THOC2: variants seen among roughly 807,000 people sequenced by gnomAD.
THOC2 encodes the protein THO complex subunit 2.
In THOC2, 10 loss-of-function variants were observed where a neutral mutation model predicts 128.4. The ratio of observed to expected loss-of-function variants is 0.08; its 90% confidence interval spans 0.05 to 0.13. THOC2 has a LOEUF of 0.13. Ranked by LOEUF, THOC2 falls within the 10% of genes least tolerant of loss-of-function variation. The probability of loss-of-function intolerance (pLI) is 1.00; values close to 1 mark genes in which losing one functional copy is unlikely to be tolerated. For missense variants in THOC2, 535 were observed against 1,155.7 expected (o/e 0.46, Z 7.79); for synonymous variants, 393 against 396.9 (o/e 0.99, Z 0.12).
At chrX:123,624,835 T>C (rs1447271681) in intron 25 of THOC2, among the ~76,000 whole-genome samples, 166 bp from the exon 26 acceptor site, 1 of 111,311 alleles carries the variant, frequency 9.0e-6, no homozygotes, top group Non-Finnish European at 1.9e-5. Context: ...ATTTTGGCTT[T>C]TGTGGGGAAA....
chrX:123,659,100 A>T, intron 12 of THOC2, among the ~76,000 whole-genome samples: 1 of 112,356 alleles, frequency 8.9e-6, no homozygotes, highest in East Asian at 2.8e-4. Flanking sequence ...TACATGAAAC[A>T]ATTCTAGAAC....
chrX:123,646,993 T>C (rs2048151092), intron 12 of THOC2, among the ~76,000 whole-genome samples: 1 of 112,091 alleles, frequency 8.9e-6, no homozygotes, highest in Non-Finnish European at 1.9e-5. Context: ...ACACAGTTTT[T>C]TTCCCATAGA....
intron 15 of THOC2, among the ~76,000 whole-genome samples, chrX:123,642,924 T>C (rs182887570): frequency 4.1e-4 from 46 of 111,143 alleles, no homozygotes; most frequent in Non-Finnish European, 7.0e-4. Flanking sequence ...GAAACTTAAA[T>C]CATGTAAACA....
At chrX:123,624,414 G>T in intron 26 of THOC2, 127 bp downstream of exon 26, 1 of 793,940 alleles carries the variant, frequency 1.3e-6, no homozygotes, top group Non-Finnish European at 1.8e-6. Flanking sequence ...AATTAATTGT[G>T]CTTATAAACA....
At chrX:123,610,223 G>C (rs1186786279) in intron 38 of THOC2, 1 of 108,418 alleles carries the variant, frequency 9.2e-6, no homozygotes, top group African/African-American at 3.4e-5. Flanking sequence ...TATCCACTAT[G>C]ATGGAAACAC....
At chrX:123,717,530 T>C (rs1234362189) in intron 1 of THOC2, among the ~76,000 whole-genome samples, 1 of 110,911 alleles carries the variant, frequency 9.0e-6, no homozygotes, top group Non-Finnish European at 1.9e-5. Context: ...AAACTGAAGA[T>C]GACAAATAAA....
chrX:123,678,267 C>CTTT (rs760673764), intron 8 of THOC2, among the ~76,000 whole-genome samples: 1 of 98,288 alleles, frequency 1.0e-5, no homozygotes, highest in South Asian at 4.6e-4. Flanking sequence ...TGTTTTCAAA[C>CTTT]TTTTTTTTTT....
In THOC2 at chrX:123,661,753, G is replaced by A. The variant is rs184000758; in HGVS notation, c.1386+3889C>T. Among the ~76,000 whole-genome samples the A allele has an allele frequency of 8.2e-4, 92 of 111,616 alleles. 1 individual carries two copies. The highest frequency in any genetic ancestry group is 2.9e-3 in the African/African-American group (88 of 30,808). On this transcript the variant is annotated intron_variant, in intron 12 of 38. Coordinates refer to ENST00000245838, the MANE Select transcript of THOC2 (RefSeq NM_001081550.2). ...ATTAACTACTTAACAGATTTCTTTA[G>A]AGTACCTTTACATAATGTAAATTTG...
intron 8 of THOC2, among the ~76,000 whole-genome samples, chrX:123,672,637 C>T (rs1323268841): frequency 8.9e-6 from 1 of 111,900 alleles, no homozygotes; most frequent in Non-Finnish European, 1.9e-5. Flanking sequence ...ATAAATATTA[C>T]AGATGAATAA....
chrX:123,621,578 A>G lies in THOC2; in HGVS notation c.3795T>C (p.Ala1265=). The G allele has an allele frequency of 9.0e-7, 1 of 1,115,716 alleles. No individual in the cohort carries two copies. Among genetic ancestry groups the G allele is most frequent in the Non-Finnish European group, 1.2e-6 (1 of 836,661 alleles). 91.9% of individuals were successfully genotyped at this position (1,115,716 alleles called of 1,213,427 possible). ...NGNSGSNSNK[A]VKENDKEKGK... is the part of the protein sequence containing the mutation. The stretch of plus-strand genomic sequence containing the variant: ...CTTTTTCTTTGTCATTTTCTTTAAC[A>G]GCTTTGTTGCTTAAGAATAAAAACA... Residue 1265 remains alanine (A), a synonymous_variant, in exon 31 of 39, where the codon GCT becomes GCC. Coordinates refer to ENST00000245838, the MANE Select transcript of THOC2 (RefSeq NM_001081550.2).
intron 26 of THOC2, 24 bp from the exon 27 acceptor site, chrX:123,624,215 T>C: frequency 8.7e-7 from 1 of 1,150,811 alleles, no homozygotes. Context: ...GTTTGTCACT[T>C]TTAAAGAAAA....
At chrX:123,631,338 T>C (rs765417843) in intron 22 of THOC2, among the ~76,000 whole-genome samples, 1 of 112,209 alleles carries the variant, frequency 8.9e-6, no homozygotes, top group African/African-American at 3.2e-5. Flanking sequence ...CTTATTGTCT[T>C]TTTCCCTTCA....
In THOC2 at chrX:123,616,803, T is replaced by A. The variant is rs186187238; in HGVS notation, c.4311+2598A>T. Among the ~76,000 whole-genome samples, 29 of 110,867 alleles carry A rather than the reference T, an allele frequency of 2.6e-4. No homozygotes were observed. The East Asian group carries it at 7.8e-3, about 30-fold the overall frequency. ...AAAGGGTGAACTGACAGAAAAGATT[T>A]GGATACTAAGCTAGATTTTTCTTCT... On this transcript the variant is annotated intron_variant, in intron 33 of 38. Transcript: ENST00000245838.
Position 123,640,580 on chromosome X carries a change from A to C in THOC2, c.1704T>G (p.Ile568Met). 1.7e-6 allele frequency: 2 copies of C among 1,192,618 alleles called. No homozygotes were observed. Among genetic ancestry groups the C allele is most frequent in the Non-Finnish European group, 2.3e-6 (2 of 885,828 alleles). The change falls in exon 16 of 39, where the codon ATT (isoleucine) becomes ATG (methionine). Residue 568 changes from isoleucine (I) to methionine (M), a missense_variant. Ile to Met is a conservative substitution (Grantham distance 10). Around this residue, in one of 9 missense-constraint regions of THOC2, gnomAD observed 197 missense variants for 313.4 expected, o/e 0.63. Transcript: ENST00000245838. ...TTGGATTGCTGTGGCTCAACTTCCC[A>C]ATTTGTCTTCCAGAAGGCTTCACAT... is the stretch of plus-strand genomic sequence containing the variant. ...KENVKPSGRQ[I>M]GKLSHSNPTI...
At chrX:123,655,572 C>T (rs1429887100) in intron 12 of THOC2, among the ~76,000 whole-genome samples, 1 of 110,961 alleles carries the variant, frequency 9.0e-6, no homozygotes, top group Admixed American at 9.6e-5. Flanking sequence ...GCCCTTTTTT[C>T]GGCAGACCAA....
Position 123,638,989 on chromosome X carries a change from T to C in THOC2, c.1785A>G (p.Thr595=). ...GGTATTTCAATGAATCTACTACAGG[T>C]GTTATTAAGTTATCATACTTCTGTA... The part of the protein sequence containing the change: ...SQIQKYDNLI[T]PVVDSLKYLT... Residue 595 remains threonine (T), a synonymous_variant, in exon 17 of 39, where the codon ACA becomes ACG. Transcript: ENST00000245838. The C allele has an allele frequency of 1.7e-6, 2 of 1,182,085 alleles. No homozygotes were observed. The highest frequency in any genetic ancestry group is 2.3e-6 in the Non-Finnish European group (2 of 873,858).
At chrX:123,688,897 TCTC>T (rs202057800) in intron 7 of THOC2, among the ~76,000 whole-genome samples, 2,612 of 111,372 alleles carry the variant, frequency 0.023, 74 homozygotes, top group African/African-American at 0.077. Context: ...TCATGTAACT[TCTC>T]CTACATTAAC....
At chrX:123,641,945 AAATAGTTATAG>A (rs1432094605) in intron 15 of THOC2, among the ~76,000 whole-genome samples, 1 of 112,269 alleles carries the variant, frequency 8.9e-6, no homozygotes, top group Non-Finnish European at 1.9e-5. Context: ...AAGCCTGGTA[AAATAGTTATAG>A]CTTACAAATA....
At chrX:123,677,523 G>A (rs2049551181) in intron 8 of THOC2, among the ~76,000 whole-genome samples, 1 of 111,467 alleles carries the variant, frequency 9.0e-6, no homozygotes, top group African/African-American at 3.3e-5. Context: ...TTGTACAGCT[G>A]TACAAAAATA....
Sources: gnomAD v4.1 joint callset for allele counts (sites outside exome capture counted in the v4.1 genomes callset) on GRCh38, gnomAD v4.1.1 for gene constraint, gnomAD v4.1.1 regional missense constraint, MANE v1.5 for transcripts, NCBI Gene and HGNC (gene_info 2026-07-23, HGNC 2026-07-21) for gene names.